The following CDH2 variants were observed in gnomAD, a reference collection of about 807,000 sequenced individuals.
CDH2 encodes the protein cadherin 2.
In CDH2, 17 loss-of-function variants were observed where a neutral mutation model predicts 92.0. The ratio of observed to expected loss-of-function variants is 0.18; its 90% CI spans 0.13 to 0.28. The LOEUF (loss-of-function observed/expected upper bound fraction) is 0.28. Among genes scored for constraint, CDH2 ranks in the 10% least tolerant of loss-of-function variants. The pLI is 1.00. For synonymous variants in CDH2, 419 were observed against 415.9 expected (o/e 1.01, Z -0.09); for missense variants, 862 against 1,133.1 (o/e 0.76, Z 3.44).
At chr18:27,976,709 T>G (rs1456076460) in intron 14 of CDH2, among the ~76,000 whole-genome samples, 1 of 152,178 alleles carries the variant, frequency 6.6e-6, no homozygotes, top group Non-Finnish European at 1.5e-5. Context: ...TAACACAGGG[T>G]ACACCAAATA....
chr18:28,148,089 G>A (rs2016065914), intron 1 of CDH2, among the ~76,000 whole-genome samples: 1 of 152,128 alleles, frequency 6.6e-6, no homozygotes, highest in South Asian at 2.1e-4. Flanking sequence ...CCAAGTGGGC[G>A]TGGGGTTTGG....
intron 1 of CDH2, among the ~76,000 whole-genome samples, chr18:28,172,516 T>C (rs1345603879): frequency 2.0e-5 from 3 of 152,136 alleles, no homozygotes; most frequent in Non-Finnish European, 4.4e-5. Flanking sequence ...AATAAAATTT[T>C]AGTAGAAAAA....
intron 1 of CDH2, among the ~76,000 whole-genome samples, chr18:28,150,781 T>G (rs888088457): frequency 2.0e-5 from 3 of 152,240 alleles, no homozygotes; most frequent in African/African-American, 7.2e-5. Flanking sequence ...CTTTCCTAAA[T>G]TCTTCTTCCT....
At position 28,064,175 on chromosome 18, in the gene CDH2, T is replaced by G. The variant is rs654259; in HGVS notation, c.173-50266A>C. ...GGGGATGGAAAGAGATTTTTCTCTC[T>G]TCTGTCTCAAAATGACTCCCATCTC... On this transcript the variant is annotated intron_variant, in intron 2 of 15. Transcript: ENST00000269141. 5.2e-3 allele frequency among the ~76,000 whole-genome samples: 789 copies of G among 152,278 alleles called. 7 individuals are homozygous for G. The highest frequency in any genetic ancestry group is 0.018 in the African/African-American group (760 of 41,548).
intron 14 of CDH2, among the ~76,000 whole-genome samples, chr18:27,965,841 G>A (rs532274725): frequency 4.0e-5 from 6 of 151,686 alleles, no homozygotes; most frequent in African/African-American, 9.7e-5. Context: ...AAAATCAGCC[G>A]GATGTGGTGG....
At chr18:27,956,506 C>G (rs1291866181) in intron 15 of CDH2, among the ~76,000 whole-genome samples, 1 of 152,160 alleles carries the variant, frequency 6.6e-6, no homozygotes, top group Non-Finnish European at 1.5e-5. Flanking sequence ...CTTACTGTTT[C>G]CTTTACATTC....
chr18:28,144,991 A>G (rs755745495), intron 2 of CDH2, among the ~76,000 whole-genome samples: 4 of 152,134 alleles, frequency 2.6e-5, no homozygotes, highest in Non-Finnish European at 5.9e-5. Context: ...CTTCTTCTAT[A>G]TAATTTTCTA....
chr18:28,069,959 T>C (rs1415203675), intron 2 of CDH2, among the ~76,000 whole-genome samples: 1 of 152,060 alleles, frequency 6.6e-6, no homozygotes, highest in African/African-American at 2.4e-5. Flanking sequence ...AAAGTTAAAG[T>C]CCACTTTAAG....
chr18:28,031,905 A>C (rs1016838275), intron 2 of CDH2, among the ~76,000 whole-genome samples: 2 of 152,102 alleles, frequency 1.3e-5, no homozygotes, highest in African/African-American at 4.8e-5. Context: ...ATAATGAATA[A>C]AAGGAACATG....
intron 15 of CDH2, among the ~76,000 whole-genome samples, chr18:27,960,649 T>C (rs1343011792): frequency 6.6e-6 from 1 of 152,230 alleles, no homozygotes; most frequent in African/African-American, 2.4e-5. Flanking sequence ...TTTATCTATA[T>C]ATTACTTGCA....
intron 2 of CDH2, among the ~76,000 whole-genome samples, chr18:28,145,073 TA>T (rs1426055028): frequency 6.6e-6 from 1 of 152,118 alleles, no homozygotes; most frequent in East Asian, 1.9e-4. Flanking sequence ...AAGATTATGT[TA>T]ATTGTTGGAA....
chr18:28,024,351 A>T (rs1245192402), intron 2 of CDH2, among the ~76,000 whole-genome samples: 1 of 151,876 alleles, frequency 6.6e-6, no homozygotes, highest in African/African-American at 2.4e-5. Flanking sequence ...TGTTGGGAAA[A>T]TAAACATATG....
chr18:28,039,173 C>T (rs1878390702), intron 2 of CDH2, among the ~76,000 whole-genome samples: 1 of 152,152 alleles, frequency 6.6e-6, no homozygotes, highest in Non-Finnish European at 1.5e-5. Context: ...CTCCTTTCCA[C>T]AGCTATTGGA....
chr18:28,174,152 T>A (rs2016502974), intron 1 of CDH2, among the ~76,000 whole-genome samples: 1 of 152,138 alleles, frequency 6.6e-6, no homozygotes, highest in African/African-American at 2.4e-5. Context: ...TTCAATTATA[T>A]TTAGCTTGTA....
intron 12 of CDH2, 73 bp from the exon 13 acceptor site, chr18:27,985,306 G>A (rs776123977): frequency 3.7e-5 from 34 of 908,170 alleles, no homozygotes; most frequent in Non-Finnish European, 5.1e-5. Context: ...GCATTGTTCA[G>A]GATGTATTTA....
intron 2 of CDH2, among the ~76,000 whole-genome samples, chr18:28,146,065 G>A (rs2016030023): frequency 6.6e-6 from 1 of 152,078 alleles, no homozygotes; most frequent in African/African-American, 2.4e-5. Flanking sequence ...ATCTAATAAT[G>A]TGAAAACAAG....
At chr18:28,051,289 C>T (rs1014272094) in intron 2 of CDH2, among the ~76,000 whole-genome samples, 26 of 152,240 alleles carry the variant, frequency 1.7e-4, no homozygotes, top group Non-Finnish European at 3.2e-4. Flanking sequence ...AGGCAAAAAT[C>T]ATTCAAAACC....
rs9961986 is a variant in CDH2 at position 27,961,002 on chromosome 18, G to A, written c.2514+2355C>T. On this transcript the variant is annotated intron_variant, in intron 15 of 15. Coordinates refer to ENST00000269141, the MANE Select transcript of CDH2 (RefSeq NM_001792.5). Reference sequence around the variant, plus strand: ...ACTTATTGACTAGATGTCTACTGAAGAAGAGATAGTCATTGTTAAAAAAAG... The same window carrying A: ...ACTTATTGACTAGATGTCTACTGAAAAAGAGATAGTCATTGTTAAAAAAAG... Among the ~76,000 whole-genome samples the A allele has an allele frequency of 4.2e-3, 624 of 149,126 alleles. 11 individuals carry two copies. The highest frequency in any genetic ancestry group is 0.014 in the African/African-American group (568 of 40,620).
At chr18:28,104,312 A>G (rs1226802540) in intron 2 of CDH2, among the ~76,000 whole-genome samples, 2 of 152,204 alleles carry the variant, frequency 1.3e-5, no homozygotes, top group East Asian at 3.8e-4. Context: ...ATGATTTAAA[A>G]GTGCACAGGT....
Sources: gnomAD v4.1 joint callset for allele counts (sites outside exome capture counted in the v4.1 genomes callset) on GRCh38, gnomAD v4.1.1 for gene constraint, MANE v1.5 for transcripts, NCBI Gene and HGNC (gene_info 2026-07-23, HGNC 2026-07-21) for gene names.